Variants in PIAS1 observed in about 807,000 individuals in gnomAD.
PIAS1 encodes the protein E3 SUMO-protein ligase PIAS1.
Under a neutral mutation model 71.3 loss-of-function variants are expected in PIAS1, and 6 were observed. The observed-to-expected ratio is 0.08, with a 90% CI of 0.05 to 0.17. PIAS1 has a LOEUF of 0.17. PIAS1 is among the 10% of genes least tolerant of loss of function. The probability of loss-of-function intolerance (pLI) is 1.00; values close to 1 mark genes in which losing one functional copy is unlikely to be tolerated. For missense variants in PIAS1, 555 were observed against 793.6 expected (o/e 0.70, Z 3.61); for synonymous variants, 303 against 292.9 (o/e 1.03, Z -0.35).
intron 4 of PIAS1, 53 bp downstream of exon 4, chr15:68,142,390 T>C (rs932970234): frequency 3.9e-6 from 5 of 1,271,320 alleles, no homozygotes; most frequent in Non-Finnish European, 3.4e-6. Flanking sequence ...ATATTCCTTT[T>C]CACAGTACGG....
intron 7 of PIAS1, among the ~76,000 whole-genome samples, chr15:68,160,031 T>A (rs2141071811): frequency 6.6e-6 from 1 of 152,230 alleles, no homozygotes; most frequent in East Asian, 1.9e-4. Flanking sequence ...TGGTATGTAG[T>A]GGTATTTCTT....
chr15:68,124,949 C>T (rs1340732806), intron 2 of PIAS1, among the ~76,000 whole-genome samples: 1 of 152,118 alleles, frequency 6.6e-6, no homozygotes, highest in Non-Finnish European at 1.5e-5. Flanking sequence ...GATTTCCCAC[C>T]ATGGGAGATA....
chr15:68,118,384 T>A (rs2092583999), intron 2 of PIAS1, among the ~76,000 whole-genome samples: 1 of 152,064 alleles, frequency 6.6e-6, no homozygotes, highest in Admixed American at 6.5e-5. Flanking sequence ...TCTCCGAGGC[T>A]AGAGTGCGGT....
In PIAS1 at chr15:68,141,106, G is replaced by A. The variant is rs573239118; in HGVS notation, c.470-840G>A. ...TAGTCCTACCTACTTAGAAGGGTGAGGCAGGAGGATCACTTTGAGCCCAGG... is the reference window on the plus strand; with the variant it reads ...TAGTCCTACCTACTTAGAAGGGTGAAGCAGGAGGATCACTTTGAGCCCAGG... On this transcript the variant is annotated intron_variant, in intron 2 of 13. Transcript: ENST00000249636. Among the ~76,000 whole-genome samples the A allele has an allele frequency of 2.6e-5, 4 of 152,224 alleles. No homozygotes were observed. The East Asian group carries it at 5.8e-4, about 22-fold the overall frequency.
intron 5 of PIAS1, among the ~76,000 whole-genome samples, 172 bp from the exon 6 acceptor site, chr15:68,146,394 G>A (rs1282245925): frequency 8.5e-5 from 13 of 152,112 alleles, no homozygotes; most frequent in Admixed American, 8.5e-4. Context: ...AGAGTATAAG[G>A]TTGTTTGGAA....
intron 1 of PIAS1, among the ~76,000 whole-genome samples, chr15:68,074,936 T>G (rs915826181): frequency 2.0e-5 from 3 of 152,060 alleles, no homozygotes; most frequent in Admixed American, 1.3e-4. Context: ...GCCTCAGAGT[T>G]TTGTGAGTAG....
At chr15:68,076,322 A>C (rs1358370136) in intron 1 of PIAS1, among the ~76,000 whole-genome samples, 1 of 152,064 alleles carries the variant, frequency 6.6e-6, no homozygotes, top group East Asian at 1.9e-4. Context: ...CCTGGCTGAC[A>C]CGGTGAAAGC....
intron 2 of PIAS1, among the ~76,000 whole-genome samples, chr15:68,115,128 C>T (rs1347499885): frequency 1.3e-5 from 2 of 152,008 alleles, no homozygotes; most frequent in East Asian, 3.9e-4. Flanking sequence ...CTGTTTTTAC[C>T]CTTAATGAAG....
chr15:68,076,880 G>A (rs1455266765), intron 1 of PIAS1, among the ~76,000 whole-genome samples: 1 of 152,170 alleles, frequency 6.6e-6, no homozygotes, highest in African/African-American at 2.4e-5. Context: ...AAATCTATGG[G>A]AGGACATAAA....
At chr15:68,115,617 A>G (rs1036849915) in intron 2 of PIAS1, among the ~76,000 whole-genome samples, 9 of 152,056 alleles carry the variant, frequency 5.9e-5, no homozygotes, top group African/African-American at 2.2e-4. Flanking sequence ...CCTCATTCCT[A>G]ATTTTTGAGG....
chr15:68,065,915 CTTTTTTTTTTTTTTTTTT>C (rs869104577), intron 1 of PIAS1, among the ~76,000 whole-genome samples: 1 of 40,174 alleles, frequency 2.5e-5, no homozygotes, highest in East Asian at 9.9e-4. Flanking sequence ...TGACTAAAAG[CTTTTTTTTTTTTTTTTTT>C]TTTTTTTTTT....
In PIAS1 at chr15:68,185,929, C is replaced by G. The variant is rs895331776; in HGVS notation, c.1663-1613C>G. 2.6e-5 allele frequency among the ~76,000 whole-genome samples: 4 copies of G among 151,682 alleles called. No individual in the cohort carries two copies. The highest frequency in any genetic ancestry group is 5.9e-5 in the Non-Finnish European group (4 of 67,948). On this transcript the variant is annotated intron_variant, in intron 13 of 13. Transcript: ENST00000249636. This position sits in a 1 kb window ranked among gnomAD's most constrained non-coding sequence, Gnocchi z 4.4. ...GTGAGCCGAGATTGCGTGCACCACTCTACTCCAACCTGGGTGGCAGAGCGA... is the reference window on the plus strand; with the variant it reads ...GTGAGCCGAGATTGCGTGCACCACTGTACTCCAACCTGGGTGGCAGAGCGA...
At chr15:68,181,145 CCTT>C (rs1255906957) in intron 11 of PIAS1, 64 bp from the exon 12 acceptor site, 1 of 1,417,894 alleles carries the variant, frequency 7.1e-7, no homozygotes, top group Non-Finnish European at 9.8e-7. Context: ...AGATACAACC[CCTT>C]TTTTTGTTAA....
rs1326739403 is a variant in PIAS1 at position 68,118,166 on chromosome 15, C to CA, written c.470-23775dup. On this transcript the variant is annotated intron_variant, in intron 2 of 13. Coordinates refer to ENST00000249636, the MANE Select transcript of PIAS1 (RefSeq NM_016166.3). ...TCAACATGGTGAAATCCTGCCTCTA[C>CA]AAAAATTAGCCAGATGTGGTGGTGT... Among the ~76,000 whole-genome samples, 9 of 151,878 alleles carry CA rather than the reference C, an allele frequency of 5.9e-5. No individual in the cohort carries two copies. The East Asian group carries it at 1.6e-3, about 26-fold the overall frequency.
intron 2 of PIAS1, among the ~76,000 whole-genome samples, chr15:68,127,377 A>T (rs1441270769): frequency 6.6e-6 from 1 of 152,138 alleles, no homozygotes; most frequent in Non-Finnish European, 1.5e-5. Flanking sequence ...GGGATCTGAT[A>T]ACTTCATAAG....
intron 2 of PIAS1, among the ~76,000 whole-genome samples, chr15:68,089,953 C>T (rs2092319237): frequency 6.6e-6 from 1 of 151,540 alleles, no homozygotes; most frequent in Non-Finnish European, 1.5e-5. Context: ...AATCTCAGCT[C>T]ACTGCAACCT....
intron 1 of PIAS1, among the ~76,000 whole-genome samples, chr15:68,070,735 T>C (rs895196260): frequency 6.6e-6 from 1 of 151,580 alleles, no homozygotes; most frequent in African/African-American, 2.4e-5. Flanking sequence ...TGAAATAATA[T>C]TTTGTTTATT....
intron 1 of PIAS1, among the ~76,000 whole-genome samples, chr15:68,078,947 G>A (rs1037088036): frequency 2.0e-5 from 3 of 151,980 alleles, no homozygotes; most frequent in Non-Finnish European, 4.4e-5. Context: ...CCCAACTGTA[G>A]AAGAGTAGAA....
chr15:68,065,319 G>T (rs995072425), intron 1 of PIAS1, among the ~76,000 whole-genome samples: 14 of 152,100 alleles, frequency 9.2e-5, no homozygotes, highest in Admixed American at 3.3e-4. Context: ...TGGGGGCAGT[G>T]GCTCACACCT....
Sources: allele counts gnomAD v4.1 joint callset (sites outside exome capture counted in the v4.1 genomes callset), GRCh38; gene constraint gnomAD v4.1.1; non-coding constraint Gnocchi (gnomAD v3.1); transcripts MANE v1.5; gene names NCBI Gene and HGNC (gene_info 2026-07-23, HGNC 2026-07-21).